GADL1: variants seen among roughly 807,000 people sequenced by gnomAD.
The protein encoded by GADL1 is GAD like acidic amino acid decarboxylase 1, also known as acidic amino acid decarboxylase GADL1.
GADL1 carries 71 observed loss-of-function variants against 69.5 expected under a neutral mutation model. That is an observed-to-expected ratio of 1.02 (90% CI 0.84 to 1.25). The LOEUF (loss-of-function observed/expected upper bound fraction) is 1.25, where lower values mean the gene tolerates loss of function less well. Ranked by LOEUF, GADL1 falls within the 50% of genes most tolerant of loss-of-function variation. GADL1 has a pLI of 0.00. For missense variants in GADL1, 737 were observed against 631.8 expected, an observed-to-expected ratio of 1.17 and a Z score of -1.79; for synonymous variants, 254 against 214.4, an observed-to-expected ratio of 1.18 and a Z score of -1.62.
intron 11 of GADL1, among the ~76,000 whole-genome samples, chr3:30,801,710 TATC>T (rs943127039): frequency 3.9e-5 from 6 of 152,306 alleles, no homozygotes; most frequent in African/African-American, 9.6e-5. Flanking sequence ...ACTGACTTGT[TATC>T]ATTAAGAAAT....
At chr3:30,742,368 T>A (rs73823684) in intron 14 of GADL1, among the ~76,000 whole-genome samples, 13,386 of 151,686 alleles carry the variant, frequency 0.088, 1,570 homozygotes, top group African/African-American at 0.27. Context: ...TTTAATATAT[T>A]TTTTTTATTA....
chr3:30,786,268 C>G, intron 13 of GADL1, 87 bp downstream of exon 13: 1 of 822,804 alleles, frequency 1.2e-6, no homozygotes, highest in Non-Finnish European at 2.1e-6. Context: ...AACACAAAAA[C>G]CAATGAAACA....
chr3:30,864,915 G>T (rs1436021640), intron 1 of GADL1, among the ~76,000 whole-genome samples: 1 of 151,812 alleles, frequency 6.6e-6, no homozygotes, highest in Non-Finnish European at 1.5e-5. Flanking sequence ...ATTTTCTGTG[G>T]ACTATTCTCA....
At chr3:30,885,989 C>T (rs1283163183) in intron 1 of GADL1, among the ~76,000 whole-genome samples, 2 of 151,736 alleles carry the variant, frequency 1.3e-5, no homozygotes, top group Non-Finnish European at 2.9e-5. Flanking sequence ...AAATAATTGC[C>T]AGAAAATTAA....
intron 13 of GADL1, among the ~76,000 whole-genome samples, chr3:30,780,228 G>T (rs1447174010): frequency 6.6e-6 from 1 of 152,176 alleles, no homozygotes; most frequent in Non-Finnish European, 1.5e-5. Flanking sequence ...GTTGTGGCAT[G>T]GCCCCTGTAG....
intron 1 of GADL1, among the ~76,000 whole-genome samples, chr3:30,862,788 T>C (rs1051765072): frequency 1.5e-4 from 23 of 152,006 alleles, no homozygotes; most frequent in African/African-American, 5.6e-4. Flanking sequence ...TGAATATGTT[T>C]CTCCAAATGT....
intron 12 of GADL1, among the ~76,000 whole-genome samples, chr3:30,786,743 G>A (rs1252181299): frequency 6.6e-6 from 1 of 152,160 alleles, no homozygotes; most frequent in South Asian, 2.1e-4. Flanking sequence ...TTTAACCATA[G>A]GTACTTACAT....
chr3:30,859,626 A>G (rs1410016496), intron 2 of GADL1, among the ~76,000 whole-genome samples: 1 of 151,940 alleles, frequency 6.6e-6, no homozygotes, highest in Non-Finnish European at 1.5e-5. Flanking sequence ...TCATAGAACC[A>G]CACCCCAAAG....
intron 11 of GADL1, among the ~76,000 whole-genome samples, chr3:30,818,386 G>A (rs942333403): frequency 5.9e-5 from 9 of 152,094 alleles, no homozygotes; most frequent in Non-Finnish European, 1.3e-4. Context: ...TTCTGATTTG[G>A]AGCCACCATT....
In GADL1 at chr3:30,815,434, C is replaced by G. The variant is rs116779237; in HGVS notation, c.1051-14346G>C. ...ATGGTTTCCAAACCAAACAAGAAAA[C>G]CGTTGTCTGACAGATTGCAAGTGTC... is the stretch of plus-strand genomic sequence containing the variant. On this transcript the variant is annotated intron_variant, in intron 11 of 14. Transcript: ENST00000282538. 9.8e-4 allele frequency among the ~76,000 whole-genome samples: 149 copies of G among 152,262 alleles called. 1 individual carries two copies. The highest frequency in any genetic ancestry group is 3.5e-3 in the African/African-American group (144 of 41,546).
Position 30,850,852 on chromosome 3 carries a change from T to G in GADL1, c.518A>C (p.Asp173Ala), listed in dbSNP as rs760740844. 6.5e-7 allele frequency: 1 copy of G among 1,546,136 alleles called. No individual in the cohort carries two copies. The highest frequency in any genetic ancestry group is 8.8e-7 in the Non-Finnish European group (1 of 1,142,226). The change falls in exon 5 of 15, where the codon GAT becomes GCT. Residue 173 changes from aspartate to alanine, a missense_variant. Asp to Ala is a moderately radical substitution (Grantham distance 126). Coordinates refer to ENST00000282538, the MANE Select transcript of GADL1 (RefSeq NM_207359.3). ...GTACTCACCTGGGTTAAATATTCCA[T>G]CCCCTTCTTTCCAGCCAATAAATTC... ...MIEFIGWKEG[D>A]GIFNPGGSVS...
At chr3:30,854,883 A>C (rs888863550) in intron 3 of GADL1, 94 bp from the exon 4 acceptor site, 1 of 680,636 alleles carries the variant, frequency 1.5e-6, no homozygotes, top group Non-Finnish European at 2.5e-6. Flanking sequence ...AGAAAATGAA[A>C]GCAGACACAC....
chr3:30,754,734 A>G (rs1355292777), intron 14 of GADL1, among the ~76,000 whole-genome samples: 1 of 152,224 alleles, frequency 6.6e-6, no homozygotes, highest in African/African-American at 2.4e-5. Flanking sequence ...CAAATTAAGC[A>G]GTGAGATGTT....
chr3:30,877,392 C>CT (rs1470033827), intron 1 of GADL1, among the ~76,000 whole-genome samples: 1 of 151,832 alleles, frequency 6.6e-6, no homozygotes, highest in Admixed American at 6.6e-5. Context: ...CTAAAATTCT[C>CT]TTTTTTGTGC....
chr3:30,792,563 C>T (rs1397751731), intron 12 of GADL1, among the ~76,000 whole-genome samples: 1 of 152,088 alleles, frequency 6.6e-6, no homozygotes, highest in Non-Finnish European at 1.5e-5. Context: ...GGTGACAGAG[C>T]AAGATCTTCT....
Position 30,833,901 on chromosome 3 carries a change from C to A in GADL1, c.1002G>T (p.Met334Ile). 1 of 1,612,848 alleles carries A rather than the reference C, an allele frequency of 6.2e-7. No homozygotes were observed. The highest frequency in any genetic ancestry group is 8.5e-7 in the Non-Finnish European group (1 of 1,179,224). ...CACAGCACTGGATCCCAGCCATCAG[C>A]ATCTTGTGTGGGTTCCAGGCCACAG... ...ADSVAWNPHK[M>I]LMAGIQCCAL... The change falls in exon 11 of 15, where the codon ATG (methionine) becomes ATT (isoleucine). Residue 334 changes from methionine to isoleucine, a missense_variant. Transcript: ENST00000282538.
intron 11 of GADL1, among the ~76,000 whole-genome samples, chr3:30,831,364 C>T (rs1172233618): frequency 1.3e-5 from 2 of 151,928 alleles, no homozygotes; most frequent in East Asian, 3.9e-4. Context: ...CATGATGTTC[C>T]TTCCACCTGA....
At chr3:30,871,621 A>T (rs925509814) in intron 1 of GADL1, among the ~76,000 whole-genome samples, 1 of 151,868 alleles carries the variant, frequency 6.6e-6, no homozygotes, top group Non-Finnish European at 1.5e-5. Flanking sequence ...ACAGATGAAC[A>T]TGTAATATTT....
intron 13 of GADL1, among the ~76,000 whole-genome samples, chr3:30,779,900 AAGG>A (rs1380828515): frequency 3.3e-5 from 5 of 152,116 alleles, no homozygotes; most frequent in African/African-American, 1.2e-4. Context: ...GACACTGGAG[AAGG>A]AAGGAATGCT....
Sources: allele counts gnomAD v4.1 joint callset (sites outside exome capture counted in the v4.1 genomes callset), GRCh38; gene constraint gnomAD v4.1.1; transcripts MANE v1.5; gene names NCBI Gene and HGNC (gene_info 2026-07-23, HGNC 2026-07-21).